The following EEFSEC variants were observed in gnomAD, a reference collection of about 807,000 sequenced individuals.
EEFSEC encodes the protein selenocysteine-specific elongation factor.
A neutral mutation model predicts 42.1 loss-of-function variants in EEFSEC; 43 were observed. That is an observed-to-expected ratio of 1.02 (90% CI 0.80 to 1.32). The LOEUF is 1.32. Ranked by LOEUF, EEFSEC falls within the 40% of genes most tolerant of loss-of-function variation. The pLI is 0.00. For synonymous variants in EEFSEC, 354 were observed against 339.1 expected, an observed-to-expected ratio of 1.04 and a Z score of -0.48; for missense variants, 745 against 803.6, an observed-to-expected ratio of 0.93 and a Z score of 0.88.
In EEFSEC at chr3:128,165,583, CTT is replaced by C. The variant is rs1398656637; in HGVS notation, c.316+11762_316+11763del. Among the ~76,000 whole-genome samples, 8 of 152,338 alleles carry C rather than the reference CTT, an allele frequency of 5.3e-5. No individual in the cohort carries two copies. The East Asian group carries it at 1.3e-3, about 26-fold the overall frequency. On this transcript the variant is annotated intron_variant, in intron 1 of 6. Transcript: ENST00000254730. ...GTTGAGAGAGAAGTTGACTTTCCCT[CTT>C]TCCATATCTCTTGTGTTGTGATGAT...
intron 1 of EEFSEC, among the ~76,000 whole-genome samples, chr3:128,183,611 C>T (rs980073071): frequency 1.3e-5 from 2 of 152,138 alleles, no homozygotes; most frequent in Non-Finnish European, 2.9e-5. Context: ...CCTCAGTTTC[C>T]ATCTTTGTAA....
chr3:128,209,558 C>T (rs2065734678), intron 1 of EEFSEC, among the ~76,000 whole-genome samples: 1 of 152,168 alleles, frequency 6.6e-6, no homozygotes, highest in Non-Finnish European at 1.5e-5. Context: ...GGCTCAATGC[C>T]ATATATATTC....
chr3:128,388,061 T>C (rs928908001), intron 6 of EEFSEC, among the ~76,000 whole-genome samples: 2 of 152,112 alleles, frequency 1.3e-5, no homozygotes, highest in African/African-American at 4.8e-5. Flanking sequence ...GGTTGCCCTG[T>C]CCAGAGCCTA....
At chr3:128,222,074 C>T (rs1314824680) in intron 1 of EEFSEC, among the ~76,000 whole-genome samples, 1 of 137,042 alleles carries the variant, frequency 7.3e-6, no homozygotes, top group Non-Finnish European at 1.5e-5. Context: ...CACTCTGTCA[C>T]CCAGGCTGGA....
chr3:128,175,731 G>A (rs1228211932), intron 1 of EEFSEC, among the ~76,000 whole-genome samples: 1 of 152,214 alleles, frequency 6.6e-6, no homozygotes, highest in Non-Finnish European at 1.5e-5. Flanking sequence ...GAAGCCTGCT[G>A]GGCCTCTTTT....
chr3:128,338,587 AG>A (rs1183581253), intron 4 of EEFSEC, among the ~76,000 whole-genome samples: 1 of 152,222 alleles, frequency 6.6e-6, no homozygotes, highest in Non-Finnish European at 1.5e-5. Context: ...CCCAGGGAGC[AG>A]CCTCAGGGGC....
At chr3:128,327,291 TCCCC>T (rs59892046) in intron 4 of EEFSEC, among the ~76,000 whole-genome samples, 14 of 105,142 alleles carry the variant, frequency 1.3e-4, no homozygotes, top group Non-Finnish European at 2.5e-4. Context: ...ACTTTTCCCA[TCCCC>T]CCCCCCCCAA....
At chr3:128,387,534 C>T (rs556331713) in intron 6 of EEFSEC, among the ~76,000 whole-genome samples, 28 of 152,008 alleles carry the variant, frequency 1.8e-4, no homozygotes, top group African/African-American at 5.3e-4. Context: ...TCTGAGGGTG[C>T]GAGAAATCTA....
At chr3:128,212,105 C>T (rs1371186926) in intron 1 of EEFSEC, among the ~76,000 whole-genome samples, 2 of 152,098 alleles carry the variant, frequency 1.3e-5, no homozygotes, top group African/African-American at 2.4e-5. Context: ...TCATGATCTG[C>T]CTGCCTCGGC....
intron 1 of EEFSEC, among the ~76,000 whole-genome samples, chr3:128,209,375 T>A (rs1251970564): frequency 1.3e-5 from 2 of 152,146 alleles, no homozygotes; most frequent in Non-Finnish European, 2.9e-5. Context: ...AATGGTGGGT[T>A]TGTGTGTCTG....
At chr3:128,241,409 C>T (rs1040170572) in intron 1 of EEFSEC, among the ~76,000 whole-genome samples, 1 of 152,012 alleles carries the variant, frequency 6.6e-6, no homozygotes, top group Non-Finnish European at 1.5e-5. Context: ...AGGGTTTCAC[C>T]ATGTTGCCCC....
intron 4 of EEFSEC, among the ~76,000 whole-genome samples, chr3:128,288,526 A>G (rs954863914): frequency 1.6e-4 from 25 of 152,224 alleles, no homozygotes; most frequent in African/African-American, 5.5e-4. Context: ...GGCCCAGAGC[A>G]GGAGTCAGGA....
intron 1 of EEFSEC, among the ~76,000 whole-genome samples, chr3:128,171,997 A>G (rs1302151592): frequency 6.6e-6 from 1 of 152,240 alleles, no homozygotes; most frequent in Middle Eastern, 3.2e-3. Context: ...TGCATAAGTT[A>G]TATGAAAATA....
At chr3:128,350,064 G>A (rs1576661362) in intron 5 of EEFSEC, among the ~76,000 whole-genome samples, 1 of 152,224 alleles carries the variant, frequency 6.6e-6, no homozygotes, top group East Asian at 1.9e-4. Context: ...CTTAGGGCTG[G>A]GCCACAGGAG....
intron 5 of EEFSEC, 124 bp downstream of exon 5, chr3:128,342,013 T>A: frequency 7.6e-7 from 1 of 1,319,342 alleles, no homozygotes; most frequent in Non-Finnish European, 1.0e-6. Context: ...CCAACCTCTG[T>A]AGTTTCTGTA....
At chr3:128,359,854 C>T (rs1324752050) in intron 6 of EEFSEC, among the ~76,000 whole-genome samples, 1 of 152,186 alleles carries the variant, frequency 6.6e-6, no homozygotes, top group East Asian at 1.9e-4. Flanking sequence ...GGTGCCCTGG[C>T]TCCAGCTGGA....
intron 6 of EEFSEC, among the ~76,000 whole-genome samples, chr3:128,368,457 A>C (rs954040235): frequency 6.6e-6 from 1 of 151,718 alleles, no homozygotes; most frequent in Non-Finnish European, 1.5e-5. Flanking sequence ...AAAAAAAAAA[A>C]CAAAAAAAGA....
At chr3:128,281,235 C>T (rs1251117675) in intron 4 of EEFSEC, among the ~76,000 whole-genome samples, 1 of 152,198 alleles carries the variant, frequency 6.6e-6, no homozygotes, top group Non-Finnish European at 1.5e-5. Context: ...TGTGCCTGTC[C>T]TGTGAGCAGC....
At chr3:128,359,340 G>A (rs951198836) in intron 6 of EEFSEC, among the ~76,000 whole-genome samples, 4 of 152,208 alleles carry the variant, frequency 2.6e-5, no homozygotes, top group African/African-American at 7.2e-5. Flanking sequence ...GCTGGGGACC[G>A]TGGGAAGGAC....
Sources: allele counts gnomAD v4.1 joint callset (sites outside exome capture counted in the v4.1 genomes callset), GRCh38; gene constraint gnomAD v4.1.1; transcripts MANE v1.5; gene names NCBI Gene and HGNC (gene_info 2026-07-23, HGNC 2026-07-21).